Variants in FMO3 observed in about 807,000 individuals in gnomAD.
FMO3 encodes the protein flavin-containing monooxygenase 3.
Under a neutral mutation model 39.4 loss-of-function variants are expected in FMO3, and 40 were observed. The observed-to-expected ratio is 1.02, with a 90% CI of 0.79 to 1.32. The LOEUF (loss-of-function observed/expected upper bound fraction) is 1.32, where lower values mean the gene tolerates loss of function less well. Among genes scored for constraint, FMO3 ranks in the 40% most tolerant of loss-of-function variants. The probability of loss-of-function intolerance (pLI) is 0.00; values close to 1 mark genes in which losing one functional copy is unlikely to be tolerated. For synonymous variants in FMO3, 219 were observed against 228.8 expected, an observed-to-expected ratio of 0.96 and a Z score of 0.39; for missense variants, 680 against 651.8, an observed-to-expected ratio of 1.04 and a Z score of -0.47.
chr1:171,101,356 C>T (rs1428305806), intron 2 of FMO3: 3 of 389,978 alleles, frequency 7.7e-6, no homozygotes, highest in Admixed American at 3.1e-5. Flanking sequence ...GGTTTTTCAG[C>T]GTTTCCTATT....
In FMO3 at chr1:171,106,388, C is replaced by T. The variant is rs771240522; in HGVS notation, c.322-1287C>T. Among the ~76,000 whole-genome samples the T allele has an allele frequency of 3.9e-5, 6 of 152,164 alleles. 1 individual carries two copies. Among genetic ancestry groups the T allele is most frequent in the Non-Finnish European group, 8.8e-5 (6 of 68,034 alleles). ...CTCCCAACGTCAGGTGATCTACCTG[C>T]CTCACCCTCCCAAAGCACTGGGATT... On this transcript the variant is annotated intron_variant, in intron 3 of 8. Coordinates refer to ENST00000367755, the MANE Select transcript of FMO3 (RefSeq NM_001002294.3).
intron 5 of FMO3, 118 bp downstream of exon 5, chr1:171,108,339 T>C: frequency 7.9e-7 from 1 of 1,258,988 alleles, no homozygotes. Context: ...AAAGACTAAG[T>C]GGTATTTCAC....
intron 2 of FMO3, among the ~76,000 whole-genome samples, chr1:171,095,802 AAT>A (rs946179371): frequency 1.6e-5 from 2 of 121,780 alleles, no homozygotes; most frequent in East Asian, 4.3e-4. Context: ...AAAAAATATA[AAT>A]ATATATTTAT....
chr1:171,107,643 A>T, intron 3 of FMO3, 32 bp from the exon 4 acceptor site: 1 of 1,599,736 alleles, frequency 6.3e-7, no homozygotes, highest in Non-Finnish European at 8.6e-7. Context: ...GCTAGCATAG[A>T]AAAGAGGGAT....
intron 3 of FMO3, 65 bp from the exon 4 acceptor site, chr1:171,107,610 T>C (rs1655701330): frequency 7.3e-7 from 1 of 1,372,086 alleles, no homozygotes; most frequent in Admixed American, 1.7e-5. Flanking sequence ...TCTTTTTTCA[T>C]ACTGTATCTG....
intron 6 of FMO3, among the ~76,000 whole-genome samples, chr1:171,112,592 G>A (rs193080872): frequency 2.7e-4 from 41 of 152,242 alleles, no homozygotes; most frequent in Admixed American, 2.0e-3. Context: ...TGACATTGAC[G>A]TTTACTAAAA....
intron 3 of FMO3, among the ~76,000 whole-genome samples, chr1:171,104,255 ACT>A (rs1655541126): frequency 6.6e-6 from 1 of 151,964 alleles, no homozygotes; most frequent in Non-Finnish European, 1.5e-5. Context: ...GAAATTAAAA[ACT>A]CTTTTTATCT....
chr1:171,117,766 T>G lies in FMO3; in HGVS notation c.*324T>G. 1 of 214,824 alleles carries G rather than the reference T, an allele frequency of 4.7e-6. No homozygotes were observed. Among genetic ancestry groups the G allele is most frequent in the African/African-American group, 2.3e-5 (1 of 43,426 alleles). 13.3% of individuals were successfully genotyped at this position (214,824 alleles called of 1,614,324 possible). A position where few individuals can be genotyped will look rare whatever the true frequency, so the allele number is the denominator to read the frequency against. ...TTCCTTTTTCCTTTTAAACAATGTATGAAAGATGTATTTTAAATCTAAATA... is the reference window on the plus strand; with the variant it reads ...TTCCTTTTTCCTTTTAAACAATGTAGGAAAGATGTATTTTAAATCTAAATA... On this transcript the variant is annotated 3_prime_UTR_variant, in exon 9 of 9. Coordinates refer to ENST00000367755, the MANE Select transcript of FMO3 (RefSeq NM_001002294.3).
At chr1:171,092,369 G>T (rs998286292) in intron 1 of FMO3, among the ~76,000 whole-genome samples, 5 of 151,972 alleles carry the variant, frequency 3.3e-5, no homozygotes, top group African/African-American at 9.7e-5. Context: ...ACAGGCATGT[G>T]CCACCACACC....
intron 6 of FMO3, among the ~76,000 whole-genome samples, chr1:171,113,756 C>T (rs909529): frequency 0.08 from 12,232 of 152,148 alleles, 759 homozygotes; most frequent in East Asian, 0.21. Context: ...GCCTTTATTC[C>T]GGGATTTGGA....
intron 2 of FMO3, among the ~76,000 whole-genome samples, chr1:171,096,214 A>C (rs1362937164): frequency 1.5e-5 from 1 of 64,914 alleles, no homozygotes; most frequent in Non-Finnish European, 2.3e-5. Flanking sequence ...TATAATATTT[A>C]TATATAAATA....
In FMO3 at chr1:171,117,329, C is replaced by T. The variant is rs1656206029; in HGVS notation, c.1486C>T (p.Pro496Ser). The T allele has an allele frequency of 3.1e-6, 5 of 1,613,892 alleles. No homozygotes were observed. The East Asian group carries it at 1.1e-4, about 36-fold the overall frequency. Residue 496 changes from proline (P) to serine (S), a missense_variant, in exon 9 of 9, where the codon CCC becomes TCC. Pro to Ser is a moderately conservative substitution (Grantham distance 74). Coordinates refer to ENST00000367755, the MANE Select transcript of FMO3 (RefSeq NM_001002294.3). ...ILTQWDRSLK[P>S]MQTRVVGRLQ... ...GACCCAGTGGGACCGGTCGTTGAAA[C>T]CCATGCAGACACGAGTGGTCGGGAG... is the stretch of plus-strand genomic sequence containing the variant.
intron 7 of FMO3, 98 bp downstream of exon 7, chr1:171,114,460 T>C: frequency 1.1e-6 from 1 of 895,054 alleles, no homozygotes. Context: ...CAAGGTCCCC[T>C]TCAGTTTTGA....
At chr1:171,097,739 G>A (rs1655174856) in intron 2 of FMO3, among the ~76,000 whole-genome samples, 1 of 151,030 alleles carries the variant, frequency 6.6e-6, no homozygotes, top group South Asian at 2.1e-4. Flanking sequence ...CATTTTATGG[G>A]TTGCCTGTTC....
chr1:171,111,173 T>C (rs1655893477), intron 6 of FMO3, among the ~76,000 whole-genome samples, 176 bp downstream of exon 6: 2 of 152,142 alleles, frequency 1.3e-5, no homozygotes, highest in African/African-American at 4.8e-5. Context: ...CCTTACTATA[T>C]TTACACAGCT....
Position 171,103,967 on chromosome 1 carries a change from A to G in FMO3, c.315A>G (p.Gln105=). The G allele has an allele frequency of 6.2e-7, 1 of 1,608,282 alleles. No homozygotes were observed. The highest frequency in any genetic ancestry group is 8.5e-7 in the Non-Finnish European group (1 of 1,174,910). The change falls in exon 3 of 9, where the codon CAA becomes CAG. Residue 105 remains glutamine, a synonymous_variant. Transcript: ENST00000367755. ...AKEKNLLKYI[Q]FKTFVSSVNK... ...AAAAGAACCTCCTGAAGTACATACA[A>G]TTTAAGGTAAGATGTTATCAACAAT...
At chr1:171,095,480 C>T (rs528076010) in intron 2 of FMO3, among the ~76,000 whole-genome samples, 4 of 151,840 alleles carry the variant, frequency 2.6e-5, no homozygotes, top group Non-Finnish European at 4.4e-5. Context: ...TTCTGATAAA[C>T]CCATTAATAT....
At chr1:171,107,887 T>A (rs747044751) in intron 4 of FMO3, 50 bp downstream of exon 4, 1 of 1,550,960 alleles carries the variant, frequency 6.4e-7, no homozygotes, top group East Asian at 2.3e-5. Context: ...AAAATGAATA[T>A]CTTGATAATG....
intron 2 of FMO3, among the ~76,000 whole-genome samples, chr1:171,098,438 C>T (rs948702355): frequency 6.6e-6 from 1 of 152,154 alleles, no homozygotes; most frequent in Non-Finnish European, 1.5e-5. Context: ...AATGTTCTTC[C>T]ATTTGTTTGT....
Sources: allele counts gnomAD v4.1 joint callset (sites outside exome capture counted in the v4.1 genomes callset), GRCh38; gene constraint gnomAD v4.1.1; transcripts MANE v1.5; gene names NCBI Gene and HGNC (gene_info 2026-07-23, HGNC 2026-07-21).